Variants in TTC33 observed in about 807,000 individuals in gnomAD.
The protein encoded by TTC33 is tetratricopeptide repeat domain 33.
In TTC33, 24 loss-of-function variants were observed where a neutral mutation model predicts 29.4. The ratio of observed to expected loss-of-function variants is 0.82; its 90% CI spans 0.59 to 1.15. The LOEUF (loss-of-function observed/expected upper bound fraction) is 1.15. Ranked by LOEUF, TTC33 falls within the 50% of genes most tolerant of loss-of-function variation. The pLI is 0.00. For synonymous variants in TTC33, 107 were observed against 100.3 expected, an observed-to-expected ratio of 1.07 and a Z score of -0.40; for missense variants, 286 against 310.4, an observed-to-expected ratio of 0.92 and a Z score of 0.59.
chr5:40,731,180 A>C (rs1190050269), intron 2 of TTC33, among the ~76,000 whole-genome samples: 1 of 152,192 alleles, frequency 6.6e-6, no homozygotes, highest in South Asian at 2.1e-4. Flanking sequence ...CAAAGGTAGC[A>C]GTAATAAATT....
intron 2 of TTC33, among the ~76,000 whole-genome samples, chr5:40,745,079 G>T (rs537482514): frequency 8.7e-4 from 132 of 152,230 alleles, no homozygotes; most frequent in African/African-American, 3.1e-3. Context: ...AATTGGTCTG[G>T]ACTCTTCCAA....
rs937545462 is a variant in TTC33 at position 40,746,703 on chromosome 5, T to C, written c.221+95A>G. On this transcript the variant is annotated intron_variant, in intron 2 of 4. Transcript: ENST00000337702. ...AGCACCTAGAATAGATTTTTAAACA[T>C]GAATTTATCAAATTCATAACTCTTC... The C allele has an allele frequency of 4.2e-6, 4 of 949,120 alleles. No homozygotes were observed. In the African/African-American group the frequency reaches 6.7e-5, roughly 16 times the overall value. 58.8% of individuals were successfully genotyped at this position (949,120 alleles called of 1,614,324 possible).
intron 1 of TTC33, among the ~76,000 whole-genome samples, chr5:40,755,401 G>A (rs2111948730): frequency 1.3e-5 from 2 of 152,324 alleles, no homozygotes; most frequent in Non-Finnish European, 2.9e-5. Context: ...CCCTTCATCG[G>A]TCAACAATAA....
At chr5:40,741,908 G>T (rs369475783) in intron 2 of TTC33, among the ~76,000 whole-genome samples, 2 of 152,074 alleles carry the variant, frequency 1.3e-5, no homozygotes, top group East Asian at 1.9e-4. Context: ...AGAACCGCTT[G>T]AGCCTGGGAG....
chr5:40,729,115 T>C (rs1742363622), intron 3 of TTC33, among the ~76,000 whole-genome samples: 1 of 152,188 alleles, frequency 6.6e-6, no homozygotes. Context: ...AACATTATTA[T>C]CAGGTTCCAA....
intron 2 of TTC33, among the ~76,000 whole-genome samples, chr5:40,742,032 A>G (rs1338077812): frequency 6.6e-6 from 1 of 152,102 alleles, no homozygotes; most frequent in African/African-American, 2.4e-5. Flanking sequence ...TATAGGGATC[A>G]TCTTGTTTTT....
chr5:40,737,836 C>T (rs758671148), intron 2 of TTC33, among the ~76,000 whole-genome samples: 4 of 152,132 alleles, frequency 2.6e-5, no homozygotes, highest in Non-Finnish European at 4.4e-5. Flanking sequence ...TGGAATCAGA[C>T]GGTATGTACT....
At chr5:40,754,146 C>T (rs963863062) in intron 1 of TTC33, among the ~76,000 whole-genome samples, 13 of 152,144 alleles carry the variant, frequency 8.5e-5, no homozygotes, top group Non-Finnish European at 1.3e-4. Flanking sequence ...GAAAAAACCA[C>T]GCCACTATTG....
chr5:40,716,421 T>C lies in TTC33; in HGVS notation c.513A>G (p.Ala171=). 1 of 1,613,904 alleles carries C rather than the reference T, an allele frequency of 6.2e-7. No individual in the cohort carries two copies. Among genetic ancestry groups the C allele is most frequent in the Middle Eastern group, 1.6e-4 (1 of 6,062 alleles). ...PEIWKEDLSW[A]RTLQEQQKVA... The stretch of plus-strand genomic sequence containing the variant: ...CCTTCTGCTGCTCCTGGAGCGTTCT[T>C]GCCCAAGAGAGGTCTTCTTTCCATA... The change falls in exon 5 of 5, where the codon GCA becomes GCG. Residue 171 remains alanine (A), a synonymous_variant. Coordinates refer to ENST00000337702, the MANE Select transcript of TTC33 (RefSeq NM_012382.3).
In TTC33 at chr5:40,718,056, C is replaced by T. The variant is rs372230167; in HGVS notation, c.436-1558G>A. Among the ~76,000 whole-genome samples the T allele has an allele frequency of 2.2e-4, 33 of 150,612 alleles. No individual in the cohort carries two copies. The East Asian group carries it at 5.9e-3, about 27-fold the overall frequency. On this transcript the variant is annotated intron_variant, in intron 4 of 4. Transcript: ENST00000337702. ...CAGCCTGGGCAACAAGAGCGAAACT[C>T]CGTCTCAAAAAAAAAAAAGATTGCA...
At chr5:40,747,466 A>C (rs866759835) in intron 1 of TTC33, among the ~76,000 whole-genome samples, 2 of 152,200 alleles carry the variant, frequency 1.3e-5, no homozygotes, top group Middle Eastern at 3.2e-3. Context: ...GGCAATAATC[A>C]TCAATGGCCA....
At chr5:40,728,297 T>TAAAAAAAAAAAAAAAAA (rs776499290) in intron 4 of TTC33, 48 bp downstream of exon 4, 2 of 401,714 alleles carry the variant, frequency 5.0e-6, no homozygotes, top group Non-Finnish European at 6.6e-6. Context: ...AAAAAAAAAG[T>TAAAAAAAAAAAAAAAAA]CAAAATATAC....
chr5:40,718,086 A>G (rs1017267936), intron 4 of TTC33, among the ~76,000 whole-genome samples: 5 of 151,858 alleles, frequency 3.3e-5, no homozygotes, highest in Non-Finnish European at 7.4e-5. Flanking sequence ...ATTGCACATA[A>G]TCTACAGATT....
chr5:40,718,060 C>T (rs1166015315), intron 4 of TTC33, among the ~76,000 whole-genome samples: 1 of 148,424 alleles, frequency 6.7e-6, no homozygotes, highest in Non-Finnish European at 1.5e-5. Context: ...GAAACTCCGT[C>T]TCAAAAAAAA....
At chr5:40,729,440 T>C (rs529617651) in intron 3 of TTC33, among the ~76,000 whole-genome samples, 70 of 152,358 alleles carry the variant, frequency 4.6e-4, no homozygotes, top group African/African-American at 1.5e-3. Flanking sequence ...TCAAAGGTTT[T>C]CTTTACAGAC....
chr5:40,724,494 A>T (rs1742232572), intron 4 of TTC33, among the ~76,000 whole-genome samples: 1 of 152,004 alleles, frequency 6.6e-6, no homozygotes, highest in Admixed American at 6.6e-5. Context: ...TTAGCCAGAC[A>T]TGGTGGCACA....
intron 1 of TTC33, among the ~76,000 whole-genome samples, chr5:40,754,161 A>G (rs1742944705): frequency 6.6e-6 from 1 of 152,182 alleles, no homozygotes; most frequent in African/African-American, 2.4e-5. Context: ...CTATTGCCTC[A>G]GGTGTTTGAG....
chr5:40,725,934 CGCCACCACGTCCA>C, intron 4 of TTC33, among the ~76,000 whole-genome samples: 1 of 151,948 alleles, frequency 6.6e-6, no homozygotes, highest in Non-Finnish European at 1.5e-5. Flanking sequence ...TACAGGCGCC[CGCCACCACGTCCA>C]GCTAATTTTT....
chr5:40,726,147 A>T (rs948833873), intron 4 of TTC33, among the ~76,000 whole-genome samples: 16 of 104,872 alleles, frequency 1.5e-4, no homozygotes, highest in South Asian at 3.2e-4. Context: ...AGTCTTTTAT[A>T]TATATATATA....
Sources: allele counts gnomAD v4.1 joint callset (sites outside exome capture counted in the v4.1 genomes callset), GRCh38; gene constraint gnomAD v4.1.1; transcripts MANE v1.5; gene names NCBI Gene and HGNC (gene_info 2026-07-23, HGNC 2026-07-21).